The following ELAVL3 variants were observed in gnomAD, a reference collection of about 807,000 sequenced individuals.
ELAVL3 encodes ELAV-like protein 3.
ELAVL3 carries 8 observed loss-of-function variants against 34.2 expected under a neutral mutation model. The observed-to-expected ratio is 0.23, with a 90% confidence interval of 0.14 to 0.42. ELAVL3 has a LOEUF of 0.42. Ranked by LOEUF, ELAVL3 falls within the 10% of genes least tolerant of loss-of-function variation. ELAVL3 has a pLI of 1.00. For synonymous variants in ELAVL3, 209 were observed against 222.1 expected (o/e 0.94, Z 0.53); for missense variants, 273 against 518.8 (o/e 0.53, Z 4.60).
At chr19:11,470,969 C>T (rs992214907) in intron 1 of ELAVL3, among the ~76,000 whole-genome samples, 3 of 152,268 alleles carry the variant, frequency 2.0e-5, no homozygotes, top group African/African-American at 7.2e-5. Flanking sequence ...CCTCAGTCTC[C>T]CAAGTAGCTA....
Position 11,480,199 on chromosome 19 carries a change from T to G in ELAVL3, c.9+401A>C. 5 of 181,516 alleles carry G rather than the reference T, an allele frequency of 2.8e-5. No homozygotes were observed. Among genetic ancestry groups the G allele is most frequent in the Non-Finnish European group, 2.3e-5 (2 of 87,640 alleles). 11.2% of individuals were successfully genotyped at this position (181,516 alleles called of 1,614,324 possible). ...GCTTTCCCAGGGCTCTCGGGGACGC[T>G]TTGTCGCTTTGGCTTGGCCCAGCAC... is the stretch of plus-strand genomic sequence containing the variant. On this transcript the variant is annotated intron_variant, in intron 1 of 6. Coordinates refer to ENST00000359227, the MANE Select transcript of ELAVL3 (RefSeq NM_001420.4). This position sits in a 1 kb window ranked among gnomAD's most constrained non-coding sequence, Gnocchi z 6.8.
At position 11,480,086 on chromosome 19, in the gene ELAVL3, C is replaced by G. The variant is rs539911168; in HGVS notation, c.9+514G>C. ...GGCGCGCCCCCTCCTCTCCCCTCCCCGCTTGCCGCAAGGTCGACGGGCTCG... is the reference window on the plus strand; with the variant it reads ...GGCGCGCCCCCTCCTCTCCCCTCCCGGCTTGCCGCAAGGTCGACGGGCTCG... On this transcript the variant is annotated intron_variant, in intron 1 of 6. Coordinates refer to ENST00000359227, the MANE Select transcript of ELAVL3 (RefSeq NM_001420.4). This position sits in a 1 kb window ranked among gnomAD's most constrained non-coding sequence, Gnocchi z 6.8. 6.5e-4 allele frequency among the ~76,000 whole-genome samples: 99 copies of G among 152,050 alleles called. 1 individual carries two copies. The East Asian group carries it at 0.019, about 29-fold the overall frequency.
intron 5 of ELAVL3, among the ~76,000 whole-genome samples, 171 bp from the exon 6 acceptor site, chr19:11,457,319 C>T (rs1489866951): frequency 2.7e-5 from 4 of 150,540 alleles, no homozygotes; most frequent in African/African-American, 9.7e-5. Flanking sequence ...GAACCGTGGT[C>T]ACTCAGGCAC....
intron 3 of ELAVL3, among the ~76,000 whole-genome samples, chr19:11,461,689 C>T (rs946397552): frequency 3.9e-5 from 6 of 152,010 alleles, no homozygotes; most frequent in Non-Finnish European, 8.8e-5. Context: ...CCTTGACCCC[C>T]CCGGGCTCCA....
chr19:11,471,784 T>C (rs1248075785), intron 1 of ELAVL3, among the ~76,000 whole-genome samples: 1 of 152,184 alleles, frequency 6.6e-6, no homozygotes, highest in African/African-American at 2.4e-5. Context: ...TCAACCAGGC[T>C]GGTACTGGCT....
Position 11,468,789 on chromosome 19 carries a change from G to A in ELAVL3, c.10-1962C>T, listed in dbSNP as rs190970570. Among the ~76,000 whole-genome samples the A allele has an allele frequency of 4.0e-3, 611 of 152,116 alleles. 16 individuals carry two copies. Among genetic ancestry groups the A allele is most frequent in the Admixed American group, 0.038 (579 of 15,246 alleles). On this transcript the variant is annotated intron_variant, in intron 1 of 6. Coordinates refer to ENST00000359227, the MANE Select transcript of ELAVL3 (RefSeq NM_001420.4). ...TGCAGCCAAACATGATCTTTGCTAT[G>A]GGTTTTTTTCTAGATGGCCTTTATC...
intron 1 of ELAVL3, among the ~76,000 whole-genome samples, chr19:11,469,310 C>T (rs960084609): frequency 4.0e-5 from 6 of 151,782 alleles, no homozygotes; most frequent in Admixed American, 6.6e-5. Flanking sequence ...GACGGAGTTT[C>T]GCTCTTGTTG....
chr19:11,456,767 G>C (rs938894947), intron 6 of ELAVL3, among the ~76,000 whole-genome samples: 1 of 151,932 alleles, frequency 6.6e-6, no homozygotes, highest in Non-Finnish European at 1.5e-5. Flanking sequence ...AGGCTCAAGC[G>C]ATCCTCCCGC....
rs777442311 is a variant in ELAVL3, at chr19:11,466,309, C to A, written c.230-34G>T. On this transcript the variant is annotated intron_variant, in intron 2 of 6. Coordinates refer to ENST00000359227, the MANE Select transcript of ELAVL3 (RefSeq NM_001420.4). The surrounding 1 kb of genome is among the most constrained non-coding windows in gnomAD (Gnocchi z 5.0). Reference sequence around the variant, plus strand: ...AGAACCAGAATGATGACCTTCCCACCCAGCCTTGACACCTGCCAGTGTCCC... The same window carrying A: ...AGAACCAGAATGATGACCTTCCCACACAGCCTTGACACCTGCCAGTGTCCC... 1 of 1,589,712 alleles carries A rather than the reference C, an allele frequency of 6.3e-7. No homozygotes were observed. The highest frequency in any genetic ancestry group is 1.3e-5 in the African/African-American group (1 of 74,302).
chr19:11,472,345 A>G (rs1971180517), intron 1 of ELAVL3, among the ~76,000 whole-genome samples: 1 of 151,818 alleles, frequency 6.6e-6, no homozygotes, highest in South Asian at 2.1e-4. Flanking sequence ...CTCCGTCTCA[A>G]AAACAAACAC....
chr19:11,477,309 T>C (rs75518092), intron 1 of ELAVL3, among the ~76,000 whole-genome samples: 4,992 of 152,256 alleles, frequency 0.033, 293 homozygotes, highest in African/African-American at 0.11. Flanking sequence ...TGTTTATTTT[T>C]GAGACAGGGT....
chr19:11,463,917 C>T lies in ELAVL3; in HGVS notation c.333+2255G>A, dbSNP rs143609457. Among the ~76,000 whole-genome samples the T allele has an allele frequency of 3.5e-3, 522 of 150,954 alleles. 2 individuals are homozygous for T. Among genetic ancestry groups the T allele is most frequent in the African/African-American group, 0.012 (481 of 41,066 alleles). On this transcript the variant is annotated intron_variant, in intron 3 of 6. Transcript: ENST00000359227. ...CTGGGAGGCGGAGGTTGCAGTGGGC[C>T]GAGATCGCGCCATTGCAATCCAGCC...
chr19:11,480,708 C>G lies in ELAVL3; in HGVS notation c.-100G>C, dbSNP rs528084459. Reference sequence around the variant, plus strand: ...TGCTCACGCTGGGGTCCCGCCCGGGCGGCCTCTGGTGCGGCCGCTGCAGAT... The same window carrying G: ...TGCTCACGCTGGGGTCCCGCCCGGGGGGCCTCTGGTGCGGCCGCTGCAGAT... On this transcript the variant is annotated 5_prime_UTR_variant, in exon 1 of 7. Coordinates refer to ENST00000359227, the MANE Select transcript of ELAVL3 (RefSeq NM_001420.4). This position sits in a 1 kb window ranked among gnomAD's most constrained non-coding sequence, Gnocchi z 6.8. 3 of 1,221,972 alleles carry G rather than the reference C, an allele frequency of 2.5e-6. No homozygotes were observed. The highest frequency in any genetic ancestry group is 3.2e-6 in the Non-Finnish European group (3 of 932,374). 75.7% of individuals were successfully genotyped at this position (1,221,972 alleles called of 1,614,324 possible). A position where few individuals can be genotyped will look rare whatever the true frequency, so the allele number is the denominator to read the frequency against.
chr19:11,459,961 G>A (rs1342176910), intron 3 of ELAVL3, among the ~76,000 whole-genome samples: 2 of 151,954 alleles, frequency 1.3e-5, no homozygotes, highest in Non-Finnish European at 2.9e-5. Flanking sequence ...GGCCCCCCAG[G>A]GACACTCAGG....
In ELAVL3 at chr19:11,451,648, G is replaced by C. The variant is rs1970639182; in HGVS notation, c.*2878C>G. The C allele has an allele frequency of 6.6e-6, 1 of 151,860 alleles. No individual in the cohort carries two copies. The highest frequency in any genetic ancestry group is 6.5e-5 in the Admixed American group (1 of 15,288). The allele number at this position is 151,860 out of a possible 1,614,324, so 9.4% of individuals were successfully genotyped here. A position where few individuals can be genotyped will look rare whatever the true frequency, so the allele number is the denominator to read the frequency against. ...CTGGCCCCTGCCCCCCAGGGACGTG[G>C]AAGCCCCAAGTCCCCCTCGCCTGGG... On this transcript the variant is annotated 3_prime_UTR_variant, in exon 7 of 7. Transcript: ENST00000359227.
rs1599526474 is a variant in ELAVL3 at position 11,454,985 on chromosome 19, G to C, written c.753-108C>G. On this transcript the variant is annotated intron_variant, in intron 6 of 6. Coordinates refer to ENST00000359227, the MANE Select transcript of ELAVL3 (RefSeq NM_001420.4). This position sits in a 1 kb window ranked among gnomAD's most constrained non-coding sequence, Gnocchi z 9.2. ...CTGACTGTGCCATGACCTTGGAATGGTGTGACCCCTGCAATGCAATTTTTT... is the reference window on the plus strand; with the variant it reads ...CTGACTGTGCCATGACCTTGGAATGCTGTGACCCCTGCAATGCAATTTTTT... 15 of 1,277,752 alleles carry C rather than the reference G, an allele frequency of 1.2e-5. No individual in the cohort carries two copies. The East Asian group carries it at 3.5e-4, about 30-fold the overall frequency. 79.2% of individuals were successfully genotyped at this position (1,277,752 alleles called of 1,614,324 possible).
intron 6 of ELAVL3, among the ~76,000 whole-genome samples, chr19:11,456,904 C>T (rs1970779778): frequency 6.6e-6 from 1 of 152,156 alleles, no homozygotes; most frequent in South Asian, 2.1e-4. Flanking sequence ...GCCTCAAGTG[C>T]TCCTTGCCCC....
Position 11,458,050 on chromosome 19 carries a change from AG to A in ELAVL3, c.713+10del. ...CCCGGCCTGGGGCCATCTGGCTGGC[AG>A]GGGGCTCACCGGAAACGCTGGGTCT... On this transcript the variant is annotated intron_variant, in intron 5 of 6. Coordinates refer to ENST00000359227, the MANE Select transcript of ELAVL3 (RefSeq NM_001420.4). The surrounding 1 kb of genome is among the most constrained non-coding windows in gnomAD (Gnocchi z 7.3). The A allele has an allele frequency of 1.2e-6, 2 of 1,609,880 alleles. No individual in the cohort carries two copies. The highest frequency in any genetic ancestry group is 8.5e-7 in the Non-Finnish European group (1 of 1,179,846).
chr19:11,468,816 G>A (rs1489149193), intron 1 of ELAVL3, among the ~76,000 whole-genome samples: 1 of 151,868 alleles, frequency 6.6e-6, no homozygotes, highest in Non-Finnish European at 1.5e-5. Flanking sequence ...GCCTTTATCG[G>A]GTTAAGAACA....
Sources: gnomAD v4.1 joint callset for allele counts (sites outside exome capture counted in the v4.1 genomes callset) on GRCh38, gnomAD v4.1.1 for gene constraint, Gnocchi (gnomAD v3.1) non-coding constraint, MANE v1.5 for transcripts, NCBI Gene and HGNC (gene_info 2026-07-23, HGNC 2026-07-21) for gene names.